The following LINGO2 variants were observed in gnomAD, a reference collection of about 807,000 sequenced individuals.
LINGO2 encodes the protein leucine-rich repeat and immunoglobulin-like domain-containing nogo receptor-interacting protein 2.
A neutral mutation model predicts 30.6 loss-of-function variants in LINGO2; 14 were observed. The ratio of observed to expected loss-of-function variants is 0.46; its 90% CI spans 0.30 to 0.72. The LOEUF (loss-of-function observed/expected upper bound fraction) is 0.72. Among genes scored for constraint, LINGO2 ranks in the 30% least tolerant of loss-of-function variants. LINGO2 has a pLI of 0.07. For synonymous variants in LINGO2, 317 were observed against 288.5 expected (o/e 1.10, Z -1.00); for missense variants, 729 against 751.7 (o/e 0.97, Z 0.35).
At chr9:29,037,047 G>A in the LINGO2 span, among the ~76,000 whole-genome samples, 1 of 151,700 alleles carries the variant, frequency 6.6e-6, no homozygotes, top group South Asian at 2.1e-4. Context: ...ATAATTTCCA[G>A]TGACGTTCAT....
At chr9:27,999,435 T>TGAGAGAGAGAGAGAGAGAGAGA (rs1156717819) in intron 5 of LINGO2, among the ~76,000 whole-genome samples, 2 of 102,924 alleles carry the variant, frequency 1.9e-5, no homozygotes, top group African/African-American at 7.6e-5. Flanking sequence ...TGCCTAATCT[T>TGAGAGAGAGAGAGAGAGAGAGA]CAGAGAGAGA....
chr9:28,122,690 G>A (rs931389910), intron 4 of LINGO2, among the ~76,000 whole-genome samples: 1 of 152,164 alleles, frequency 6.6e-6, no homozygotes, highest in Non-Finnish European at 1.5e-5. Context: ...GGATGATGGT[G>A]ACTTAGACTT....
At chr9:28,841,728 A>C in the LINGO2 span, among the ~76,000 whole-genome samples, 4 of 151,760 alleles carry the variant, frequency 2.6e-5, 1 homozygote, top group African/African-American at 9.7e-5. Context: ...ACAAGTAAGC[A>C]ATGAGTATTT....
chr9:28,749,670 T>C, the LINGO2 span, among the ~76,000 whole-genome samples: 3 of 152,044 alleles, frequency 2.0e-5, no homozygotes, highest in South Asian at 6.2e-4. Context: ...AGGAGATAAG[T>C]AATTTGTCCA....
chr9:29,042,834 TACATA>T, the LINGO2 span, among the ~76,000 whole-genome samples: 129 of 152,018 alleles, frequency 8.5e-4, no homozygotes, highest in African/African-American at 2.6e-3. Context: ...CCTAAAAAGT[TACATA>T]ACATATGTTT....
At chr9:28,174,599 G>A (rs922494782) in intron 4 of LINGO2, among the ~76,000 whole-genome samples, 7 of 152,080 alleles carry the variant, frequency 4.6e-5, no homozygotes, top group African/African-American at 1.7e-4. Flanking sequence ...ACCACATATA[G>A]GGAGATGACT....
At chr9:28,666,671 T>C (rs1196640669) in intron 1 of LINGO2, among the ~76,000 whole-genome samples, 7 of 152,186 alleles carry the variant, frequency 4.6e-5, no homozygotes, top group Non-Finnish European at 7.4e-5. Flanking sequence ...AGTACTTTTA[T>C]CCTTTTTTTC....
chr9:28,904,969 C>T, the LINGO2 span, among the ~76,000 whole-genome samples: 1 of 151,980 alleles, frequency 6.6e-6, no homozygotes, highest in South Asian at 2.1e-4. Context: ...AAAAATAAAT[C>T]CACGCATTTA....
the LINGO2 span, among the ~76,000 whole-genome samples, chr9:28,846,121 C>T: frequency 6.6e-6 from 1 of 151,696 alleles, no homozygotes; most frequent in Non-Finnish European, 1.5e-5. Flanking sequence ...TGTGCATTTA[C>T]CTCTCTCATC....
chr9:28,117,199 G>C (rs1019688252), intron 4 of LINGO2, among the ~76,000 whole-genome samples: 2 of 151,904 alleles, frequency 1.3e-5, no homozygotes, highest in African/African-American at 2.4e-5. Context: ...CCCTGGTGGG[G>C]GGTGCCTCCC....
chr9:28,524,875 A>G (rs1484090197), intron 1 of LINGO2, among the ~76,000 whole-genome samples: 1 of 152,208 alleles, frequency 6.6e-6, no homozygotes, highest in Non-Finnish European at 1.5e-5. Context: ...ATAGGTAAAG[A>G]ATATGAATAG....
intron 5 of LINGO2, among the ~76,000 whole-genome samples, chr9:27,971,956 A>G (rs1224762600): frequency 6.6e-6 from 1 of 152,180 alleles, no homozygotes; most frequent in Non-Finnish European, 1.5e-5. Flanking sequence ...AAATATTGGT[A>G]TATGTAAAGC....
chr9:28,049,323 G>C (rs1285764687), intron 4 of LINGO2, among the ~76,000 whole-genome samples: 1 of 150,838 alleles, frequency 6.6e-6, no homozygotes, highest in Non-Finnish European at 1.5e-5. Context: ...TGATCATTAA[G>C]TTACAACATA....
intron 4 of LINGO2, among the ~76,000 whole-genome samples, chr9:28,054,937 C>T (rs1824852872): frequency 6.6e-6 from 1 of 152,062 alleles, no homozygotes. Flanking sequence ...TACTACAAAG[C>T]TACAGTCTTC....
At chr9:28,104,841 T>C (rs1826534657) in intron 4 of LINGO2, among the ~76,000 whole-genome samples, 1 of 152,116 alleles carries the variant, frequency 6.6e-6, no homozygotes, top group South Asian at 2.1e-4. Context: ...TTTAGAAATA[T>C]TTATAATGAG....
intron 4 of LINGO2, among the ~76,000 whole-genome samples, chr9:28,021,758 C>T (rs1351182438): frequency 6.6e-6 from 1 of 151,948 alleles, no homozygotes; most frequent in Non-Finnish European, 1.5e-5. Context: ...GATAATTTTC[C>T]TTGTTCTGAA....
intron 3 of LINGO2, among the ~76,000 whole-genome samples, chr9:28,361,876 G>A (rs575986196): frequency 6.6e-6 from 1 of 152,238 alleles, no homozygotes; most frequent in African/African-American, 2.4e-5. Context: ...ATCTTTTAAA[G>A]ATGAAGACAC....
chr9:28,288,794 T>C (rs1281903217), intron 4 of LINGO2, among the ~76,000 whole-genome samples: 1 of 152,154 alleles, frequency 6.6e-6, no homozygotes, highest in South Asian at 2.1e-4. Flanking sequence ...AAGAGTTACA[T>C]AGGTGAGAAT....
the LINGO2 span, among the ~76,000 whole-genome samples, chr9:28,935,160 C>A: frequency 6.6e-6 from 1 of 152,014 alleles, no homozygotes; most frequent in African/African-American, 2.4e-5. Flanking sequence ...GAGACATTTT[C>A]TGCAATTAAC....
Sources: allele counts gnomAD v4.1 joint callset (sites outside exome capture counted in the v4.1 genomes callset), GRCh38; gene constraint gnomAD v4.1.1; transcripts MANE v1.5; gene names NCBI Gene and HGNC (gene_info 2026-07-23, HGNC 2026-07-21).